Variants in SULT1C4 observed in about 807,000 individuals in gnomAD.
SULT1C4 encodes sulfotransferase 1C4.
A neutral mutation model predicts 34.8 loss-of-function variants in SULT1C4; 32 were observed. The observed-to-expected ratio is 0.92, with a 90% CI of 0.69 to 1.23. SULT1C4 has a LOEUF of 1.23. Among genes scored for constraint, SULT1C4 ranks in the 50% most tolerant of loss-of-function variants. SULT1C4 has a pLI of 0.00. For missense variants in SULT1C4, 375 were observed against 365.9 expected, an observed-to-expected ratio of 1.02 and a Z score of -0.20; for synonymous variants, 111 against 120.5, an observed-to-expected ratio of 0.92 and a Z score of 0.51.
Position 108,383,142 on chromosome 2 carries a change from A to T in SULT1C4, c.443A>T (p.His148Leu). The T allele has an allele frequency of 6.2e-7, 1 of 1,613,090 alleles. No homozygotes were observed. Residue 148 changes from histidine to leucine, a missense_variant, in exon 4 of 7, where the codon CAT becomes CTT. His to Leu is a moderately conservative substitution (Grantham distance 99, BLOSUM62 -3). Transcript: ENST00000272452. ...NPKDNMVSYY[H>L]FQRMNKALPA... ...AAGGACAACATGGTGTCCTATTACC[A>T]TTTCCAAAGAATGAATAAAGCTCTT...
At chr2:108,384,232 AT>A (rs59406921) in intron 5 of SULT1C4, among the ~76,000 whole-genome samples, 9,558 of 146,292 alleles carry the variant, frequency 0.065, 791 homozygotes, top group African/African-American at 0.2. Flanking sequence ...TTATTTATTT[AT>A]TTTATTTATT....
In SULT1C4 at chr2:108,381,837, C is replaced by G. The variant is rs1210703999; in HGVS notation, c.245C>G (p.Thr82Ser). The G allele has an allele frequency of 1.3e-6, 2 of 1,507,688 alleles. No individual in the cohort carries two copies. The highest frequency in any genetic ancestry group is 1.8e-6 in the Non-Finnish European group (2 of 1,134,004). The allele number at this position is 1,507,688 out of a possible 1,614,324, so 93.4% of individuals were successfully genotyped here. A position where few individuals can be genotyped will look rare whatever the true frequency, so the allele number is the denominator to read the frequency against. The change falls in exon 2 of 7, where the codon ACT becomes AGT. Residue 82 changes from threonine to serine, a missense_variant. By Grantham distance (58) the Thr-to-Ser change is moderately conservative. Transcript: ENST00000272452. Reference sequence around the variant, plus strand: ...GTGGAGAAAAGTAAACGGGCACCGACTCATCAACGATTTCCTTTCCTCGAA... The same window carrying G: ...GTGGAGAAAAGTAAACGGGCACCGAGTCATCAACGATTTCCTTTCCTCGAA... ...GDVEKSKRAP[T>S]HQRFPFLEMK...
At chr2:108,387,276 T>C in intron 6 of SULT1C4, 44 bp from the exon 7 acceptor site, 1 of 1,437,184 alleles carries the variant, frequency 7.0e-7, no homozygotes, top group South Asian at 1.2e-5. Flanking sequence ...AAGCACAGAC[T>C]CTTCCAACAG....
At chr2:108,379,384 T>C (rs1042626792) in intron 1 of SULT1C4, among the ~76,000 whole-genome samples, 4 of 152,206 alleles carry the variant, frequency 2.6e-5, no homozygotes, top group African/African-American at 9.6e-5. Context: ...ATCTGTTTCA[T>C]TTTGGTCCTG....
At chr2:108,387,004 G>A (rs113247917) in intron 6 of SULT1C4, among the ~76,000 whole-genome samples, 29 of 152,250 alleles carry the variant, frequency 1.9e-4, no homozygotes, top group African/African-American at 6.7e-4. Flanking sequence ...ACAGTCATGA[G>A]CACCCACCAT....
At position 108,388,784 on chromosome 2, in the gene SULT1C4, C is replaced by G. The variant is rs143384155; in HGVS notation, c.*1352C>G. ...CTAGTCACATCTTACCACTTCCTAC[C>G]CTCCCAGTTTTATTTATACCAAGCC... On this transcript the variant is annotated 3_prime_UTR_variant, in exon 7 of 7. Transcript: ENST00000272452. 6.6e-6 allele frequency among the ~76,000 whole-genome samples: 1 copy of G among 152,058 alleles called. No individual in the cohort carries two copies. The highest frequency in any genetic ancestry group is 1.5e-5 in the Non-Finnish European group (1 of 68,020).
intron 3 of SULT1C4, 175 bp from the exon 4 acceptor site, chr2:108,382,902 CAAAAAAAAAAAAAAAA>C (rs60764322): frequency 2.8e-4 from 23 of 81,240 alleles, no homozygotes; most frequent in Non-Finnish European, 4.4e-4. Context: ...GACTCCATCT[CAAAAAAAAAAAAAAAA>C]AAAAAAAAAA....
intron 1 of SULT1C4, among the ~76,000 whole-genome samples, chr2:108,379,215 G>A (rs1678325454): frequency 6.6e-6 from 1 of 152,098 alleles, no homozygotes; most frequent in Non-Finnish European, 1.5e-5. Context: ...AAATCAAGCT[G>A]TCAAAAACTC....
At chr2:108,383,037 A>AC (rs1267599180) in intron 3 of SULT1C4, 56 bp from the exon 4 acceptor site, 1 of 1,515,928 alleles carries the variant, frequency 6.6e-7, no homozygotes, top group African/African-American at 1.4e-5. Context: ...CAAAAAAAAA[A>AC]AAAAAAAATT....
chr2:108,378,694 T>C (rs1678310044), intron 1 of SULT1C4, among the ~76,000 whole-genome samples, 188 bp downstream of exon 1: 1 of 151,882 alleles, frequency 6.6e-6, no homozygotes, highest in Non-Finnish European at 1.5e-5. Flanking sequence ...ATTTTTAGAA[T>C]TCAATCTTCC....
intron 6 of SULT1C4, among the ~76,000 whole-genome samples, chr2:108,386,700 T>G (rs1449401312): frequency 3.9e-5 from 6 of 152,196 alleles, no homozygotes; most frequent in Non-Finnish European, 8.8e-5. Flanking sequence ...GCTATCAGAT[T>G]CAGTCATTCA....
chr2:108,386,265 T>C lies in SULT1C4; in HGVS notation c.689T>C (p.Ile230Thr), dbSNP rs1167293080. The C allele has an allele frequency of 1.3e-6, 2 of 1,577,494 alleles. No individual in the cohort carries two copies. The highest frequency in any genetic ancestry group is 2.3e-5 in the East Asian group (1 of 43,712). ...TTAGATGACAAAGTTCTAGATAAAA[T>C]TGTCCATTACACTTCGTTTGATGTC... ...KKLDDKVLDKIVHYTSFDVMK... is the reference protein window; with the variant it reads ...KKLDDKVLDKTVHYTSFDVMK... Residue 230 changes from isoleucine to threonine, a missense_variant, in exon 6 of 7, where the codon ATT becomes ACT. Coordinates refer to ENST00000272452, the MANE Select transcript of SULT1C4 (RefSeq NM_006588.4).
chr2:108,383,027 C>CAAA, intron 3 of SULT1C4, 66 bp from the exon 4 acceptor site: 155 of 1,295,210 alleles, frequency 1.2e-4, no homozygotes, highest in Middle Eastern at 2.3e-4. Flanking sequence ...GCAGTAACAG[C>CAAA]AAAAAAAAAA....
intron 3 of SULT1C4, 89 bp from the exon 4 acceptor site, chr2:108,383,004 A>G (rs901340101): frequency 7.0e-7 from 1 of 1,421,490 alleles, no homozygotes; most frequent in African/African-American, 1.5e-5. Context: ...CTACCCTAAC[A>G]TGACTTGCCT....
At chr2:108,384,693 GATTT>G (rs762571208) in intron 5 of SULT1C4, among the ~76,000 whole-genome samples, 39 of 152,176 alleles carry the variant, frequency 2.6e-4, no homozygotes, top group Non-Finnish European at 4.9e-4. Flanking sequence ...ACCCATTCAA[GATTT>G]ATTTGAGGAC....
chr2:108,379,145 A>G (rs1259330947), intron 1 of SULT1C4, among the ~76,000 whole-genome samples: 3 of 152,204 alleles, frequency 2.0e-5, no homozygotes, highest in Admixed American at 6.5e-5. Context: ...ATATCTACAT[A>G]TCTACTAGAA....
At chr2:108,384,507 G>A (rs913361422) in intron 5 of SULT1C4, among the ~76,000 whole-genome samples, 5 of 152,168 alleles carry the variant, frequency 3.3e-5, no homozygotes, top group Non-Finnish European at 7.4e-5. Context: ...GATTACAGGC[G>A]TGAGCCACCA....
rs1573291451 is a variant in SULT1C4, at chr2:108,378,196, T to C, written c.-142T>C. The C allele has an allele frequency of 4.3e-6, 3 of 704,392 alleles. No homozygotes were observed. The East Asian group carries it at 8.2e-5, about 19-fold the overall frequency. 43.6% of individuals were successfully genotyped at this position (704,392 alleles called of 1,614,324 possible). On this transcript the variant is annotated 5_prime_UTR_variant, in exon 1 of 7. Coordinates refer to ENST00000272452, the MANE Select transcript of SULT1C4 (RefSeq NM_006588.4). ...GGCCTGCAACTCACTTTCTCCCTGT[T>C]TGCTGGCCCAGACAGGCCTGTGCTA...
chr2:108,382,317 G>A, intron 2 of SULT1C4, 68 bp from the exon 3 acceptor site: 16 of 1,225,512 alleles, frequency 1.3e-5, no homozygotes, highest in Non-Finnish European at 1.9e-5. Flanking sequence ...AATAATGGAA[G>A]CAGCAAGACT....
Sources: allele counts gnomAD v4.1 joint callset (sites outside exome capture counted in the v4.1 genomes callset), GRCh38; gene constraint gnomAD v4.1.1; transcripts MANE v1.5; gene names NCBI Gene and HGNC (gene_info 2026-07-23, HGNC 2026-07-21).